Variants in CYP7B1 observed in about 807,000 individuals in gnomAD.
The protein encoded by CYP7B1 is cytochrome P450 7B1.
Under a neutral mutation model 42.7 loss-of-function variants are expected in CYP7B1, and 29 were observed. That is an observed-to-expected ratio of 0.68 (90% CI 0.51 to 0.93). The LOEUF (loss-of-function observed/expected upper bound fraction) is 0.93, where lower values mean the gene tolerates loss of function less well. Among genes scored for constraint, CYP7B1 ranks in the 40% least tolerant of loss-of-function variants. The pLI is 0.00. For synonymous variants in CYP7B1, 235 were observed against 218.2 expected, an observed-to-expected ratio of 1.08 and a Z score of -0.68; for missense variants, 655 against 600.5, an observed-to-expected ratio of 1.09 and a Z score of -0.95.
chr8:64,752,292 A>T (rs1807739546), intron 1 of CYP7B1, among the ~76,000 whole-genome samples: 2 of 152,134 alleles, frequency 1.3e-5, no homozygotes, highest in Non-Finnish European at 2.9e-5. Context: ...TATATAAAGA[A>T]GTTTACTTAC....
intron 1 of CYP7B1, among the ~76,000 whole-genome samples, chr8:64,668,125 T>C (rs1236274237): frequency 1.3e-5 from 2 of 152,212 alleles, no homozygotes; most frequent in East Asian, 3.8e-4. Flanking sequence ...GTTTGGGGCT[T>C]TACCTTTGAT....
chr8:64,590,397 T>G (rs550344037), downstream of CYP7B1, among the ~76,000 whole-genome samples: 1 of 152,336 alleles, frequency 6.6e-6, no homozygotes, highest in South Asian at 2.1e-4. Context: ...TATTTTAGTT[T>G]TATGAACAAA....
chr8:64,778,047 A>C (rs2129664260), intron 1 of CYP7B1, among the ~76,000 whole-genome samples: 1 of 151,702 alleles, frequency 6.6e-6, no homozygotes, highest in African/African-American at 2.4e-5. Context: ...CTTTGGTCAA[A>C]AGTCCTTACC....
At chr8:64,631,017 C>G (rs965997217) in intron 1 of CYP7B1, among the ~76,000 whole-genome samples, 1 of 152,140 alleles carries the variant, frequency 6.6e-6, no homozygotes, top group Non-Finnish European at 1.5e-5. Context: ...TGAATTCCAT[C>G]AAACATTAAC....
At chr8:64,643,747 T>A (rs1805903742) in intron 1 of CYP7B1, among the ~76,000 whole-genome samples, 2 of 152,196 alleles carry the variant, frequency 1.3e-5, no homozygotes, top group African/African-American at 4.8e-5. Flanking sequence ...CCTAAATCCT[T>A]TTTTGTAATT....
intron 1 of CYP7B1, among the ~76,000 whole-genome samples, chr8:64,708,450 A>T (rs1807031465): frequency 6.6e-6 from 1 of 152,194 alleles, no homozygotes; most frequent in Non-Finnish European, 1.5e-5. Flanking sequence ...ATCCTTAAGG[A>T]AAGAAGTCAT....
At chr8:64,653,897 A>C (rs1806079193) in intron 1 of CYP7B1, among the ~76,000 whole-genome samples, 2 of 152,100 alleles carry the variant, frequency 1.3e-5, no homozygotes, top group African/African-American at 2.4e-5. Flanking sequence ...ACAGACAAAA[A>C]CCCCATGATT....
chr8:64,737,417 G>A (rs1471844562), intron 1 of CYP7B1, among the ~76,000 whole-genome samples: 1 of 152,176 alleles, frequency 6.6e-6, no homozygotes, highest in Admixed American at 6.5e-5. Flanking sequence ...ATCTCAAATA[G>A]CAAAACTAAA....
At chr8:64,687,139 T>TA (rs71260898) in intron 1 of CYP7B1, among the ~76,000 whole-genome samples, 59 of 148,586 alleles carry the variant, frequency 4.0e-4, no homozygotes, top group South Asian at 1.3e-3. Context: ...AAAATAAATT[T>TA]AAAAAAAAAA....
chr8:64,699,006 C>T (rs902579479), intron 1 of CYP7B1, among the ~76,000 whole-genome samples: 2 of 152,098 alleles, frequency 1.3e-5, no homozygotes, highest in African/African-American at 4.8e-5. Context: ...TTTCAGCCAT[C>T]ATACAATGCT....
At chr8:64,599,337 C>G (rs1805165394) in intron 5 of CYP7B1, among the ~76,000 whole-genome samples, 1 of 152,038 alleles carries the variant, frequency 6.6e-6, no homozygotes, top group African/African-American at 2.4e-5. Flanking sequence ...TACAGGCGCC[C>G]ACCACCACGC....
intron 1 of CYP7B1, among the ~76,000 whole-genome samples, chr8:64,795,702 T>C (rs1482809186): frequency 1.3e-5 from 2 of 152,238 alleles, no homozygotes; most frequent in African/African-American, 4.8e-5. Flanking sequence ...ATTAGTAAAT[T>C]ATGTTGACTC....
At chr8:64,712,234 T>C (rs1807091471) in intron 1 of CYP7B1, among the ~76,000 whole-genome samples, 1 of 151,910 alleles carries the variant, frequency 6.6e-6, no homozygotes, top group Non-Finnish European at 1.5e-5. Flanking sequence ...GCTACAAAAA[T>C]AGCACCTTCA....
chr8:64,617,602 A>G (rs1407618989), intron 2 of CYP7B1, among the ~76,000 whole-genome samples: 1 of 152,118 alleles, frequency 6.6e-6, no homozygotes. Context: ...TGTACAGAAC[A>G]GGCATAAACT....
intron 1 of CYP7B1, among the ~76,000 whole-genome samples, chr8:64,670,919 T>C (rs896619223): frequency 6.6e-6 from 1 of 152,172 alleles, no homozygotes; most frequent in African/African-American, 2.4e-5. Context: ...TAGCTCTGAA[T>C]GATACATTGG....
At position 64,798,537 on chromosome 8, in the gene CYP7B1, C is replaced by T. The variant is rs929284330; in HGVS notation, c.51G>A (p.Leu17=). 28 of 1,497,992 alleles carry T rather than the reference C, an allele frequency of 1.9e-5. No homozygotes were observed. Among genetic ancestry groups the T allele is most frequent in the African/African-American group, 2.9e-5 (2 of 68,506 alleles). 92.8% of individuals were successfully genotyped at this position (1,497,992 alleles called of 1,614,324 possible). ...AATGRFSLER[L]GLPGLALAAA... is the part of the protein sequence containing the mutation. ...CGGCGAGGGCCAGGCCCGGGAGGCC[C>T]AACCGCTCCAGCGAAAAGCGGCCCG... Residue 17 remains leucine, a synonymous_variant, in exon 1 of 6, where the codon TTG becomes TTA. Transcript: ENST00000310193.
chr8:64,655,485 C>A (rs962180668), intron 1 of CYP7B1, among the ~76,000 whole-genome samples: 1 of 152,112 alleles, frequency 6.6e-6, no homozygotes, highest in Non-Finnish European at 1.5e-5. Flanking sequence ...CATCTCACAC[C>A]AGTCAGAATG....
At chr8:64,607,892 C>T (rs572067550) in intron 4 of CYP7B1, among the ~76,000 whole-genome samples, 1 of 152,138 alleles carries the variant, frequency 6.6e-6, no homozygotes, top group Non-Finnish European at 1.5e-5. Context: ...ATCAAGAATG[C>T]AAATATTTTG....
chr8:64,600,986 T>G (rs1805194218), intron 5 of CYP7B1, among the ~76,000 whole-genome samples: 1 of 152,228 alleles, frequency 6.6e-6, no homozygotes, highest in Non-Finnish European at 1.5e-5. Flanking sequence ...TGGATAGTAA[T>G]TAATTGATAT....
Sources: gnomAD v4.1 joint callset for allele counts (sites outside exome capture counted in the v4.1 genomes callset) on GRCh38, gnomAD v4.1.1 for gene constraint, MANE v1.5 for transcripts, NCBI Gene and HGNC (gene_info 2026-07-23, HGNC 2026-07-21) for gene names.